ELP1: variants seen among roughly 807,000 people sequenced by gnomAD.
ELP1 encodes the protein elongator acetyltransferase complex subunit 1, also known as elongator complex protein 1.
In ELP1, 131 loss-of-function variants were observed where a neutral mutation model predicts 183.2. That is an observed-to-expected ratio of 0.72 (90% CI 0.62 to 0.83). ELP1 has a LOEUF of 0.83. ELP1 is among the 40% of genes least tolerant of loss of function. ELP1 has a pLI of 0.00. For missense variants in ELP1, 1,550 were observed against 1,594.9 expected (o/e 0.97, Z 0.48); for synonymous variants, 555 against 569.0 (o/e 0.98, Z 0.35).
rs150638391 is a variant in ELP1 at position 108,903,638 on chromosome 9, T to C, written c.1675A>G (p.Ser559Gly). 5 of 1,613,902 alleles carry C rather than the reference T, an allele frequency of 3.1e-6. No individual in the cohort carries two copies. Among genetic ancestry groups the C allele is most frequent in the Non-Finnish European group, 4.2e-6 (5 of 1,179,920 alleles). ...SSAAVDGVII[S>G]LCCNSKTKSV... is the part of the protein sequence containing the mutation. ...TTGGTCTTGGAATTGCAACATAGAC[T>C]GATTATGACCCCATCCACCGCTGCA... Residue 559 changes from serine to glycine, a missense_variant, in exon 15 of 37, where the codon AGT (serine) becomes GGT (glycine). Physicochemically the swap from Ser to Gly is moderately conservative, Grantham distance 56. Transcript: ENST00000374647.
At chr9:108,924,312 T>A (rs1829756480) in intron 5 of ELP1, among the ~76,000 whole-genome samples, 1 of 152,116 alleles carries the variant, frequency 6.6e-6, no homozygotes, top group African/African-American at 2.4e-5. Flanking sequence ...GCTGAACATA[T>A]TCATGACCTA....
intron 6 of ELP1, among the ~76,000 whole-genome samples, chr9:108,922,090 C>T (rs967581151): frequency 2.0e-5 from 3 of 152,162 alleles, no homozygotes; most frequent in East Asian, 1.9e-4. Context: ...ATCTGTAATG[C>T]CCCTGGGGGT....
At chr9:108,922,801 T>C in intron 6 of ELP1, 41 bp downstream of exon 6, 1 of 1,473,126 alleles carries the variant, frequency 6.8e-7, no homozygotes, top group Non-Finnish European at 9.5e-7. Flanking sequence ...AAACTTACAT[T>C]TGTTCCAGTC....
At position 108,900,301 on chromosome 9, in the gene ELP1, T is replaced by C; in HGVS notation, c.2089A>G (p.Ile697Val). The C allele has an allele frequency of 1.9e-6, 3 of 1,614,166 alleles. No homozygotes were observed. The highest frequency in any genetic ancestry group is 2.5e-6 in the Non-Finnish European group (3 of 1,180,022). ...VLRKVERGSR[I>V]VTVVPQDTKL... ...GTGTCCTGGGGCACAACAGTGACAA[T>C]CCGTGAACCCCTCTCCACTTTCCGC... The change falls in exon 19 of 37, where the codon ATT becomes GTT. Residue 697 changes from isoleucine (I) to valine (V), a missense_variant. By Grantham distance (29) the Ile-to-Val change is conservative. Transcript: ENST00000374647.
chr9:108,897,728 T>C (rs1166575463), intron 22 of ELP1, among the ~76,000 whole-genome samples: 2 of 152,142 alleles, frequency 1.3e-5, no homozygotes, highest in South Asian at 2.1e-4. Context: ...TGGTAAAAAA[T>C]TCAGAAGAGT....
chr9:108,896,328 A>G (rs905791062), intron 25 of ELP1, among the ~76,000 whole-genome samples, 168 bp downstream of exon 25: 1 of 152,236 alleles, frequency 6.6e-6, no homozygotes, highest in Non-Finnish European at 1.5e-5. Flanking sequence ...AAACACTTTC[A>G]TAAGCACAGG....
At chr9:108,924,442 G>A (rs1323798113) in intron 5 of ELP1, among the ~76,000 whole-genome samples, 3 of 148,948 alleles carry the variant, frequency 2.0e-5, no homozygotes, top group African/African-American at 7.5e-5. Flanking sequence ...ATCTTAACTT[G>A]GCCTACATTT....
At chr9:108,922,957 A>C (rs765519762) in intron 5 of ELP1, 30 bp from the exon 6 acceptor site, 2 of 1,505,124 alleles carry the variant, frequency 1.3e-6, no homozygotes, top group East Asian at 2.3e-5. Context: ...ACAACTAATA[A>C]GCCACATGAA....
chr9:108,907,959 T>C (rs1217782583), intron 13 of ELP1, among the ~76,000 whole-genome samples: 1 of 152,206 alleles, frequency 6.6e-6, no homozygotes, highest in African/African-American at 2.4e-5. Context: ...AGGTCATCCA[T>C]GTTAACAACC....
At position 108,918,806 on chromosome 9, in the gene ELP1, C is replaced by G. The variant is rs200291810; in HGVS notation, c.740+5G>C. The stretch of plus-strand genomic sequence containing the variant: ...AATTTCTCTAAGGTTTCTTCTCCCA[C>G]TCACTTCCAAGCCAGGGCTGGTCCC... On this transcript the variant is annotated splice_donor_5th_base_variant and intron_variant, in intron 8 of 36. Transcript: ENST00000374647. 13 of 1,610,316 alleles carry G rather than the reference C, an allele frequency of 8.1e-6. No homozygotes were observed. The highest frequency in any genetic ancestry group is 8.5e-6 in the Non-Finnish European group (10 of 1,176,624).
At chr9:108,871,141 G>A (rs1261840475) in intron 36 of ELP1, among the ~76,000 whole-genome samples, 1 of 152,022 alleles carries the variant, frequency 6.6e-6, no homozygotes, top group South Asian at 2.1e-4. Context: ...AACAATGATG[G>A]CATCATTGAT....
chr9:108,914,811 G>C (rs985612540), intron 10 of ELP1, among the ~76,000 whole-genome samples: 7 of 152,112 alleles, frequency 4.6e-5, no homozygotes, highest in Non-Finnish European at 1.0e-4. Context: ...ATTTTTAGTA[G>C]AGATGGGGTT....
intron 10 of ELP1, among the ~76,000 whole-genome samples, chr9:108,914,792 A>AT (rs1829369575): frequency 6.6e-6 from 1 of 151,950 alleles, no homozygotes; most frequent in African/African-American, 2.4e-5. Context: ...CGCCCAGCTA[A>AT]TTTTTTGTAT....
intron 35 of ELP1, among the ~76,000 whole-genome samples, chr9:108,877,646 A>G (rs2118932836): frequency 6.6e-6 from 1 of 152,282 alleles, no homozygotes; most frequent in East Asian, 1.9e-4. Context: ...CCCATCCCTG[A>G]GTTCTGAAAG....
intron 31 of ELP1, among the ~76,000 whole-genome samples, chr9:108,881,186 C>T (rs1254589785): frequency 6.6e-6 from 1 of 152,178 alleles, no homozygotes; most frequent in African/African-American, 2.4e-5. Context: ...AATGAACACA[C>T]ATATACCCTT....
intron 31 of ELP1, among the ~76,000 whole-genome samples, chr9:108,880,480 G>C (rs555570931): frequency 2.6e-5 from 4 of 152,124 alleles, no homozygotes; most frequent in South Asian, 4.2e-4. Flanking sequence ...ACAAAAAAAG[G>C]GGGGGTAGGG....
intron 5 of ELP1, among the ~76,000 whole-genome samples, chr9:108,924,970 T>C (rs1487438471): frequency 6.6e-6 from 1 of 152,190 alleles, no homozygotes; most frequent in Non-Finnish European, 1.5e-5. Flanking sequence ...AGAAGGGGAA[T>C]CATGCACATA....
At chr9:108,889,470 T>C in intron 28 of ELP1, 77 bp from the exon 29 acceptor site, 3 of 1,266,152 alleles carry the variant, frequency 2.4e-6, no homozygotes, top group Non-Finnish European at 3.5e-6. Flanking sequence ...AATATGTCTT[T>C]ATTATGTATG....
At chr9:108,903,483 G>C in intron 15 of ELP1, 80 bp downstream of exon 15, 1 of 995,050 alleles carries the variant, frequency 1.0e-6, no homozygotes, top group Non-Finnish European at 1.6e-6. Flanking sequence ...ATATTGAACT[G>C]ACAAGATACA....
Sources: allele counts gnomAD v4.1 joint callset (sites outside exome capture counted in the v4.1 genomes callset), GRCh38; gene constraint gnomAD v4.1.1; transcripts MANE v1.5; gene names NCBI Gene and HGNC (gene_info 2026-07-23, HGNC 2026-07-21).